USP24: variants seen among roughly 807,000 people sequenced by gnomAD.
The protein encoded by USP24 is ubiquitin carboxyl-terminal hydrolase 24.
USP24 carries 97 observed loss-of-function variants against 361.6 expected under a neutral mutation model. That is an observed-to-expected ratio of 0.27 (90% CI 0.23 to 0.32). USP24 has a LOEUF of 0.32. Ranked by LOEUF, USP24 falls within the 10% of genes least tolerant of loss-of-function variation. The probability of loss-of-function intolerance (pLI) is 1.00; values close to 1 mark genes in which losing one functional copy is unlikely to be tolerated. For missense variants in USP24, 2,353 were observed against 3,165.6 expected (o/e 0.74, Z 6.16); for synonymous variants, 1,098 against 1,124.6 (o/e 0.98, Z 0.47).
At chr1:55,178,620 G>T (rs998683264) in intron 1 of USP24, among the ~76,000 whole-genome samples, 5 of 151,830 alleles carry the variant, frequency 3.3e-5, no homozygotes, top group African/African-American at 1.2e-4. Context: ...AGTGAGCAGA[G>T]AGCTGAGATT....
chr1:55,094,131 A>AT, intron 51 of USP24, 44 bp from the exon 52 acceptor site: 1 of 1,560,552 alleles, frequency 6.4e-7, no homozygotes, highest in Non-Finnish European at 8.7e-7. Context: ...TAAAGTGGCT[A>AT]TTTTTTCAGT....
At position 55,089,767 on chromosome 1, in the gene USP24, G is replaced by T. The variant is rs562086479; in HGVS notation, c.6555-27C>A. On this transcript the variant is annotated intron_variant, in intron 54 of 67. Transcript: ENST00000294383. ...TTTAAAAAAAAGCAGATACAGCAAT[G>T]TTAGGAGCATAAGCCCAGCCAATGA... The T allele has an allele frequency of 2.6e-6, 4 of 1,521,012 alleles. 1 individual carries two copies. In the South Asian group the frequency reaches 4.9e-5, roughly 18 times the overall value. 94.2% of individuals were successfully genotyped at this position (1,521,012 alleles called of 1,614,324 possible). A position where few individuals can be genotyped will look rare whatever the true frequency, so the allele number is the denominator to read the frequency against.
Position 55,129,530 on chromosome 1 carries a change from G to A in USP24, c.3582C>T (p.Ala1194=), listed in dbSNP as rs1646531454. The part of the protein sequence containing the change: ...KLMPTADDDM[A]RSCAKSFCEN... ...CACAGAAGGATTTGGCACAGCTTCT[G>A]GCCATGTCATCATCAGCTGTTGGCA... Residue 1194 remains alanine (A), a synonymous_variant, in exon 32 of 68, where the codon GCC becomes GCT. Coordinates refer to ENST00000294383, the MANE Select transcript of USP24 (RefSeq NM_015306.3). 1.9e-6 allele frequency: 3 copies of A among 1,613,868 alleles called. No homozygotes were observed. Among genetic ancestry groups the A allele is most frequent in the Non-Finnish European group, 2.5e-6 (3 of 1,179,832 alleles).
At chr1:55,148,183 A>C (rs1231014058) in intron 17 of USP24, among the ~76,000 whole-genome samples, 1 of 152,070 alleles carries the variant, frequency 6.6e-6, no homozygotes, top group African/African-American at 2.4e-5. Context: ...AATCTTTTCA[A>C]ACCAATTTTT....
intron 3 of USP24, among the ~76,000 whole-genome samples, chr1:55,175,219 C>A (rs937336996): frequency 1.5e-5 from 1 of 66,914 alleles, no homozygotes; most frequent in African/African-American, 5.6e-5. Flanking sequence ...TACTGGGTCT[C>A]TTTTTTTTTT....
At chr1:55,201,784 A>G (rs1644582635) in intron 1 of USP24, among the ~76,000 whole-genome samples, 1 of 152,172 alleles carries the variant, frequency 6.6e-6, no homozygotes, top group South Asian at 2.1e-4. Context: ...GCAAGGCATC[A>G]AGTTCTAACA....
At chr1:55,079,023 C>T (rs1365122045) in intron 60 of USP24, among the ~76,000 whole-genome samples, 1 of 150,006 alleles carries the variant, frequency 6.7e-6, no homozygotes, top group Non-Finnish European at 1.5e-5. Flanking sequence ...TTATATTGTT[C>T]ATAGATTCAC....
rs1647402831 is a variant in USP24, at chr1:55,154,382, T to C, written c.1639A>G (p.Thr547Ala). 2 of 1,551,582 alleles carry C rather than the reference T, an allele frequency of 1.3e-6. No individual in the cohort carries two copies. ...RIGREARFETTSGKVLDVLWE... is the reference protein window; with the variant it reads ...RIGREARFETASGKVLDVLWE... ...TTTGATTCTCCTGCCTTTCCAGAAG[T>C]GGTCTCAAAGCGAGCTTCCCGGCCT... is the stretch of plus-strand genomic sequence containing the variant. The change falls in exon 14 of 68, where the codon ACT becomes GCT. Residue 547 changes from threonine to alanine, a missense_variant. By Grantham distance (58) the Thr-to-Ala change is moderately conservative. Coordinates refer to ENST00000294383, the MANE Select transcript of USP24 (RefSeq NM_015306.3).
chr1:55,094,749 A>G (rs1425329493), intron 51 of USP24, among the ~76,000 whole-genome samples: 1 of 148,866 alleles, frequency 6.7e-6, no homozygotes, highest in Non-Finnish European at 1.5e-5. Context: ...CTATAATCCC[A>G]GCACTTTGGG....
chr1:55,211,531 C>T (rs901975235), intron 1 of USP24, among the ~76,000 whole-genome samples: 18 of 152,152 alleles, frequency 1.2e-4, no homozygotes, highest in African/African-American at 4.3e-4. Flanking sequence ...TCTACTGAAC[C>T]GGAAGTTAAC....
At chr1:55,153,965 A>T (rs1342729644) in intron 15 of USP24, 48 bp from the exon 16 acceptor site, 20 of 1,542,440 alleles carry the variant, frequency 1.3e-5, no homozygotes, top group Non-Finnish European at 1.7e-5. Flanking sequence ...TAAAAGCAAT[A>T]CCTATAATTT....
At chr1:55,167,518 T>C (rs1485869726) in intron 5 of USP24, among the ~76,000 whole-genome samples, 1 of 152,026 alleles carries the variant, frequency 6.6e-6, no homozygotes, top group East Asian at 1.9e-4. Context: ...AACAGAAGCG[T>C]TTTCAGGAAG....
chr1:55,098,328 C>T (rs1340140901), intron 46 of USP24, 148 bp downstream of exon 46: 3 of 873,388 alleles, frequency 3.4e-6, no homozygotes, highest in African/African-American at 3.4e-5. Context: ...AAGTAGAAAG[C>T]AAAGAAATTT....
In USP24 at chr1:55,197,949, C is replaced by T. The variant is rs946854943; in HGVS notation, c.324+16841G>A. Among the ~76,000 whole-genome samples, 9 of 152,124 alleles carry T rather than the reference C, an allele frequency of 5.9e-5. No homozygotes were observed. In the East Asian group the frequency reaches 9.6e-4, roughly 16 times the overall value. Reference sequence around the variant, plus strand: ...CTATTTGCTTTGTTCATTATAACTACGAAGGGTTTCTGTGAGTACCAAATA... The same window carrying T: ...CTATTTGCTTTGTTCATTATAACTATGAAGGGTTTCTGTGAGTACCAAATA... On this transcript the variant is annotated intron_variant, in intron 1 of 67. Coordinates refer to ENST00000294383, the MANE Select transcript of USP24 (RefSeq NM_015306.3).
intron 7 of USP24, 84 bp downstream of exon 7, chr1:55,165,801 C>T (rs187352164): frequency 7.7e-5 from 85 of 1,110,678 alleles, no homozygotes; most frequent in Non-Finnish European, 1.6e-5. Context: ...TTTAACTTGG[C>T]ATGTCCAGAC....
chr1:55,127,862 T>TAA (rs1646480460), intron 32 of USP24, among the ~76,000 whole-genome samples: 2 of 152,146 alleles, frequency 1.3e-5, no homozygotes, highest in Non-Finnish European at 2.9e-5. Context: ...CCCTTTTTTC[T>TAA]TACTCATCTG....
chr1:55,214,403 AC>A (rs1644929186), intron 1 of USP24, among the ~76,000 whole-genome samples: 1 of 136,820 alleles, frequency 7.3e-6, no homozygotes, highest in Non-Finnish European at 1.6e-5. Context: ...CCCATTTCCG[AC>A]CCCCTACTGC....
chr1:55,169,596 A>G (rs1649241591), intron 5 of USP24, among the ~76,000 whole-genome samples: 1 of 152,202 alleles, frequency 6.6e-6, no homozygotes, highest in African/African-American at 2.4e-5. Context: ...GAGACTTCTA[A>G]TAGAAGAACC....
At chr1:55,076,385 T>G (rs1437854028) in intron 62 of USP24, among the ~76,000 whole-genome samples, 1 of 152,178 alleles carries the variant, frequency 6.6e-6, no homozygotes, top group East Asian at 1.9e-4. Flanking sequence ...ACTTGAAAAA[T>G]AAGCTTTTAA....
Sources: gnomAD v4.1 joint callset for allele counts (sites outside exome capture counted in the v4.1 genomes callset) on GRCh38, gnomAD v4.1.1 for gene constraint, MANE v1.5 for transcripts, NCBI Gene and HGNC (gene_info 2026-07-23, HGNC 2026-07-21) for gene names.